The following USP15 variants were observed in gnomAD, a reference collection of about 807,000 sequenced individuals.
The protein encoded by USP15 is ubiquitin specific peptidase 15, also known as ubiquitin carboxyl-terminal hydrolase 15.
A neutral mutation model predicts 127.1 loss-of-function variants in USP15; 18 were observed. The observed-to-expected ratio is 0.14, with a 90% confidence interval of 0.10 to 0.21. The LOEUF (loss-of-function observed/expected upper bound fraction) is 0.21. USP15 is among the 10% of genes least tolerant of loss of function. USP15 has a pLI of 1.00. For synonymous variants in USP15, 364 were observed against 393.7 expected, an observed-to-expected ratio of 0.92 and a Z score of 0.89; for missense variants, 805 against 1,159.9, an observed-to-expected ratio of 0.69 and a Z score of 4.44.
In USP15 at chr12:62,390,773, A is replaced by T. The variant is rs190038030; in HGVS notation, c.1845-91A>T. On this transcript the variant is annotated intron_variant, in intron 14 of 21. Coordinates refer to ENST00000280377, the MANE Select transcript of USP15 (RefSeq NM_001252078.2). Reference sequence around the variant, plus strand: ...ACTAAGTGACCACTGTTACTGCATTAAAAAGTTTTGTTTTACTGATAGAAG... The same window carrying T: ...ACTAAGTGACCACTGTTACTGCATTTAAAAGTTTTGTTTTACTGATAGAAG... The T allele has an allele frequency of 5.5e-4, 469 of 851,174 alleles. 3 individuals carry two copies. In the African/African-American group the frequency reaches 7.6e-3, roughly 14 times the overall value. The allele number at this position is 851,174 out of a possible 1,614,324, so 52.7% of individuals were successfully genotyped here.
chr12:62,408,774 C>T lies in USP15; in HGVS notation c.*4399C>T, dbSNP rs568882988. ...TCTATATTATATATCATTTTATTATCAGATTTTCTAGTGAGAAATATATAT... is the reference window on the plus strand; with the variant it reads ...TCTATATTATATATCATTTTATTATTAGATTTTCTAGTGAGAAATATATAT... On this transcript the variant is annotated 3_prime_UTR_variant, in exon 22 of 22. Coordinates refer to ENST00000280377, the MANE Select transcript of USP15 (RefSeq NM_001252078.2). The T allele has an allele frequency of 6.6e-6, 1 of 152,012 alleles. No homozygotes were observed. Among genetic ancestry groups the T allele is most frequent in the African/African-American group, 2.4e-5 (1 of 41,492 alleles). The allele number at this position is 152,012 out of a possible 1,614,324, so 9.4% of individuals were successfully genotyped here.
At chr12:62,385,532 C>T (rs1267616084) in intron 11 of USP15, among the ~76,000 whole-genome samples, 1 of 151,874 alleles carries the variant, frequency 6.6e-6, no homozygotes, top group Non-Finnish European at 1.5e-5. Flanking sequence ...TTTTCTGCTG[C>T]TTTATGTTTT....
At position 62,398,374 on chromosome 12, in the gene USP15, A is replaced by T. The variant is rs558238168; in HGVS notation, c.2674+1976A>T. Among the ~76,000 whole-genome samples the T allele has an allele frequency of 9.3e-5, 14 of 151,224 alleles. No homozygotes were observed. In the South Asian group the frequency reaches 2.9e-3, roughly 32 times the overall value. The stretch of plus-strand genomic sequence containing the variant: ...TCTTGTTACTTTGGGTTTCTATGTT[A>T]CTCTTCTTACAACTTCTTGAATTGA... On this transcript the variant is annotated intron_variant, in intron 20 of 21. Coordinates refer to ENST00000280377, the MANE Select transcript of USP15 (RefSeq NM_001252078.2).
chr12:62,261,685 A>G (rs549572992), intron 1 of USP15, among the ~76,000 whole-genome samples: 11 of 152,322 alleles, frequency 7.2e-5, no homozygotes, highest in African/African-American at 2.2e-4. Context: ...TAAGAATTTC[A>G]TATTTATGAG....
intron 7 of USP15, among the ~76,000 whole-genome samples, chr12:62,350,015 C>G (rs980045991): frequency 1.3e-5 from 2 of 151,012 alleles, no homozygotes; most frequent in African/African-American, 4.9e-5. Flanking sequence ...GATGATTATC[C>G]TTTTATTTTT....
At chr12:62,266,663 A>G (rs533458339) in intron 1 of USP15, among the ~76,000 whole-genome samples, 4 of 152,250 alleles carry the variant, frequency 2.6e-5, no homozygotes, top group African/African-American at 9.6e-5. Context: ...AATAAGGGGA[A>G]GATAGAGAAC....
intron 1 of USP15, among the ~76,000 whole-genome samples, chr12:62,269,457 C>T (rs959593630): frequency 2.0e-5 from 3 of 152,116 alleles, no homozygotes; most frequent in Middle Eastern, 3.4e-3. Context: ...CTGGCTCTGT[C>T]ACCCAGACTG....
chr12:62,275,864 A>G (rs375649942), intron 1 of USP15, among the ~76,000 whole-genome samples: 14 of 151,994 alleles, frequency 9.2e-5, no homozygotes, highest in Admixed American at 7.2e-4. Context: ...AGGTTGTTCA[A>G]CCTAATGGGT....
At chr12:62,322,786 TG>T (rs772074631) in intron 5 of USP15, among the ~76,000 whole-genome samples, 2 of 152,174 alleles carry the variant, frequency 1.3e-5, no homozygotes, top group Non-Finnish European at 2.9e-5. Context: ...GGTTTAACCT[TG>T]TACCTACTCT....
chr12:62,349,566 GT>G, intron 7 of USP15, among the ~76,000 whole-genome samples: 1 of 151,866 alleles, frequency 6.6e-6, no homozygotes, highest in East Asian at 1.9e-4. Context: ...ATATTTAGAA[GT>G]TTGTTAGAAC....
At chr12:62,332,911 A>G (rs2065347365) in intron 6 of USP15, among the ~76,000 whole-genome samples, 1 of 152,108 alleles carries the variant, frequency 6.6e-6, no homozygotes, top group Non-Finnish European at 1.5e-5. Flanking sequence ...TGGAGAGAGG[A>G]AGAACTTTAT....
chr12:62,392,218 T>C, intron 17 of USP15, 54 bp from the exon 18 acceptor site: 9 of 1,192,950 alleles, frequency 7.5e-6, no homozygotes, highest in Non-Finnish European at 1.1e-5. Flanking sequence ...ATGGTATCAC[T>C]AAAATGAGTT....
chr12:62,316,083 G>A (rs1288787687), intron 4 of USP15, among the ~76,000 whole-genome samples: 3 of 151,966 alleles, frequency 2.0e-5, no homozygotes, highest in African/African-American at 7.3e-5. Flanking sequence ...TGAGGAGTTC[G>A]AGACCAGCCT....
At chr12:62,335,054 C>T in intron 6 of USP15, 6 of 957,554 alleles carry the variant, frequency 6.3e-6, no homozygotes, top group East Asian at 5.3e-5. Context: ...TCTGAGGGCA[C>T]GATATGTTAC....
intron 1 of USP15, among the ~76,000 whole-genome samples, chr12:62,270,653 G>A (rs1429176266): frequency 6.6e-6 from 1 of 151,990 alleles, no homozygotes; most frequent in Non-Finnish European, 1.5e-5. Context: ...TTGGTACCCT[G>A]CTTGAAAATC....
At chr12:62,298,197 G>A (rs1329572858) in intron 2 of USP15, among the ~76,000 whole-genome samples, 1 of 152,170 alleles carries the variant, frequency 6.6e-6, no homozygotes, top group African/African-American at 2.4e-5. Flanking sequence ...TCCAGAAGGA[G>A]GAAAGTGAGA....
In USP15 at chr12:62,390,914, A is replaced by C; in HGVS notation, c.1895A>C (p.His632Pro). Reference protein sequence around the residue: ...TETEETEGSLHCCKDQNINGN... With the variant: ...TETEETEGSLPCCKDQNINGN... ...ACTGAAGAAACTGAAGGATCCCTACACTGCTGTAAGGACCAAAATATTAAT... is the reference window on the plus strand; with the variant it reads ...ACTGAAGAAACTGAAGGATCCCTACCCTGCTGTAAGGACCAAAATATTAAT... The change falls in exon 15 of 22, where the codon CAC (histidine) becomes CCC (proline). Residue 632 changes from histidine to proline, a missense_variant. By Grantham distance (77) the His-to-Pro change is moderately conservative. Transcript: ENST00000280377. 6.2e-7 allele frequency: 1 copy of C among 1,612,808 alleles called. No individual in the cohort carries two copies. The highest frequency in any genetic ancestry group is 8.5e-7 in the Non-Finnish European group (1 of 1,179,276).
chr12:62,368,097 G>C (rs2137509979), intron 8 of USP15, among the ~76,000 whole-genome samples: 1 of 152,272 alleles, frequency 6.6e-6, no homozygotes, highest in East Asian at 1.9e-4. Flanking sequence ...AGGTTGTTCA[G>C]TTTCCATGTA....
intron 20 of USP15, among the ~76,000 whole-genome samples, chr12:62,398,604 C>G (rs2067574831): frequency 6.6e-6 from 1 of 152,102 alleles, no homozygotes; most frequent in South Asian, 2.1e-4. Context: ...AGAGTTTTGT[C>G]ACTTCATTCT....
Sources: allele counts gnomAD v4.1 joint callset (sites outside exome capture counted in the v4.1 genomes callset), GRCh38; gene constraint gnomAD v4.1.1; transcripts MANE v1.5; gene names NCBI Gene and HGNC (gene_info 2026-07-23, HGNC 2026-07-21).